The following DPYD variants were observed in gnomAD, a reference collection of about 807,000 sequenced individuals.
The protein encoded by DPYD is dihydropyrimidine dehydrogenase.
Under a neutral mutation model 116.2 loss-of-function variants are expected in DPYD, and 109 were observed. The ratio of observed to expected loss-of-function variants is 0.94; its 90% CI spans 0.80 to 1.10. DPYD has a LOEUF of 1.10. Ranked by LOEUF, DPYD falls within the 50% of genes least tolerant of loss-of-function variation. The pLI, the probability that DPYD is intolerant of heterozygous loss-of-function variation, is 0.00. For missense variants in DPYD, 1,302 were observed against 1,254.5 expected (o/e 1.04, Z -0.57); for synonymous variants, 440 against 432.0 (o/e 1.02, Z -0.23).
At chr1:97,493,436 G>C (rs1485709130) in intron 13 of DPYD, among the ~76,000 whole-genome samples, 2 of 152,138 alleles carry the variant, frequency 1.3e-5, no homozygotes, top group African/African-American at 4.8e-5. Context: ...TGTCTTTAAA[G>C]ATTTAAGAAG....
At chr1:97,271,317 T>C (rs1300816213) in intron 18 of DPYD, among the ~76,000 whole-genome samples, 1 of 152,006 alleles carries the variant, frequency 6.6e-6, no homozygotes. Flanking sequence ...GTGTAGAGAA[T>C]GGACAGAAGG....
At chr1:97,469,419 A>AAAAAAAAAAAAAAAAAAAAAAAAAT (rs1677514938) in intron 13 of DPYD, among the ~76,000 whole-genome samples, 1 of 135,170 alleles carries the variant, frequency 7.4e-6, no homozygotes, top group African/African-American at 2.8e-5. Flanking sequence ...AAAAAAAAAA[A>AAAAAAAAAAAAAAAAAAAAAAAAAT]AAAAAAAAAG....
intron 20 of DPYD, among the ~76,000 whole-genome samples, chr1:97,189,355 G>C (rs977388864): frequency 1.3e-5 from 2 of 152,170 alleles, no homozygotes; most frequent in Non-Finnish European, 2.9e-5. Flanking sequence ...ATGTGGAAAT[G>C]CATGCAGATC....
chr1:97,762,020 G>A (rs1223151404), intron 3 of DPYD, among the ~76,000 whole-genome samples: 1 of 152,158 alleles, frequency 6.6e-6, no homozygotes, highest in East Asian at 1.9e-4. Context: ...TGGACAGTGG[G>A]AGGAGGGTGA....
rs376880484 is a variant in DPYD at position 97,801,487 on chromosome 1, T to G, written c.233+26627A>C. On this transcript the variant is annotated intron_variant, in intron 3 of 22. Coordinates refer to ENST00000370192, the MANE Select transcript of DPYD (RefSeq NM_000110.4). ...ACTGAGAGAGATGCATTAAAGATTT[T>G]TAAAATGTAAGATATATAGTATATT... Among the ~76,000 whole-genome samples, 6 of 152,044 alleles carry G rather than the reference T, an allele frequency of 3.9e-5. No individual in the cohort carries two copies. The South Asian group carries it at 6.2e-4, about 16-fold the overall frequency.
chr1:97,143,092 A>C (rs1215946791), intron 20 of DPYD, among the ~76,000 whole-genome samples: 1 of 152,056 alleles, frequency 6.6e-6, no homozygotes, highest in Non-Finnish European at 1.5e-5. Flanking sequence ...TAAATAACAA[A>C]AACAGGAATT....
intron 3 of DPYD, among the ~76,000 whole-genome samples, chr1:97,822,880 A>G: frequency 6.6e-6 from 1 of 152,220 alleles, no homozygotes; most frequent in Non-Finnish European, 1.5e-5. Flanking sequence ...TTACTTAATC[A>G]TAGTTTGCCA....
chr1:97,573,284 C>A (rs766392786), intron 11 of DPYD, among the ~76,000 whole-genome samples: 1 of 151,978 alleles, frequency 6.6e-6, no homozygotes, highest in African/African-American at 2.4e-5. Context: ...GTGAAAATGA[C>A]AGACATTTAA....
chr1:97,894,798 CTTTAT>C (rs1270968068), intron 1 of DPYD, among the ~76,000 whole-genome samples: 1 of 151,460 alleles, frequency 6.6e-6, no homozygotes, highest in African/African-American at 2.4e-5. Context: ...CTATACTGTA[CTTTAT>C]TTTAAAATTT....
At chr1:97,605,472 TGTGA>T (rs1655529183) in intron 8 of DPYD, among the ~76,000 whole-genome samples, 1 of 152,042 alleles carries the variant, frequency 6.6e-6, no homozygotes, top group Non-Finnish European at 1.5e-5. Flanking sequence ...CCTGCTACCC[TGTGA>T]GTAAGGTGCT....
At chr1:97,690,585 C>A (rs1660962534) in intron 7 of DPYD, among the ~76,000 whole-genome samples, 1 of 151,838 alleles carries the variant, frequency 6.6e-6, no homozygotes, top group Non-Finnish European at 1.5e-5. Flanking sequence ...ATTCAGAATA[C>A]CGAATCTAAT....
In DPYD at chr1:97,375,883, A is replaced by G. The variant is rs181335534; in HGVS notation, c.1975-2239T>C. Among the ~76,000 whole-genome samples the G allele has an allele frequency of 1.1e-4, 16 of 152,356 alleles. No homozygotes were observed. The East Asian group carries it at 3.1e-3, about 29-fold the overall frequency. On this transcript the variant is annotated intron_variant, in intron 15 of 22. Transcript: ENST00000370192. ...ACTGAAATGCAGCAATTAACAGCAA[A>G]TCAATTCAACATCATTTTGGATTAA... is the stretch of plus-strand genomic sequence containing the variant.
Position 97,920,978 on chromosome 1 carries a change from C to T in DPYD, c.-56G>A, listed in dbSNP as rs1674491394. The T allele has an allele frequency of 6.4e-7, 1 of 1,554,258 alleles. No individual in the cohort carries two copies. Among genetic ancestry groups the T allele is most frequent in the Non-Finnish European group, 8.7e-7 (1 of 1,148,160 alleles). Reference sequence around the variant, plus strand: ...GACAAACCCTCCTTGCGTCCTCAAGCTCCAGCCAGAGAGCCAAGTGACAGC... The same window carrying T: ...GACAAACCCTCCTTGCGTCCTCAAGTTCCAGCCAGAGAGCCAAGTGACAGC... On this transcript the variant is annotated 5_prime_UTR_variant, in exon 1 of 23. Transcript: ENST00000370192.
At chr1:97,903,252 A>C (rs1257683430) in intron 1 of DPYD, among the ~76,000 whole-genome samples, 1 of 151,938 alleles carries the variant, frequency 6.6e-6, no homozygotes. Context: ...AATATCACAA[A>C]GAATGAAATA....
At chr1:97,830,040 T>C (rs1669454644) in intron 2 of DPYD, among the ~76,000 whole-genome samples, 1 of 152,106 alleles carries the variant, frequency 6.6e-6, no homozygotes, top group African/African-American at 2.4e-5. Context: ...AGAATGATGG[T>C]TTCCAGCTTT....
chr1:97,895,045 C>G (rs1344361029), intron 1 of DPYD, among the ~76,000 whole-genome samples: 4 of 151,684 alleles, frequency 2.6e-5, no homozygotes, highest in Admixed American at 1.3e-4. Context: ...AAAAAATTCA[C>G]CAGTTCATTG....
intron 20 of DPYD, among the ~76,000 whole-genome samples, chr1:97,191,659 A>G (rs1257887791): frequency 2.6e-5 from 4 of 152,188 alleles, no homozygotes; most frequent in Non-Finnish European, 1.5e-5. Flanking sequence ...ACAAAACATG[A>G]CAGTGCAATG....
intron 4 of DPYD, among the ~76,000 whole-genome samples, chr1:97,735,038 T>C (rs1474525853): frequency 6.6e-6 from 1 of 152,162 alleles, no homozygotes; most frequent in Non-Finnish European, 1.5e-5. Flanking sequence ...ATTTGTATTT[T>C]TGGTCTGATT....
chr1:97,492,670 A>G (rs1679037362), intron 13 of DPYD, among the ~76,000 whole-genome samples: 1 of 152,116 alleles, frequency 6.6e-6, no homozygotes, highest in South Asian at 2.1e-4. Flanking sequence ...GTCTGCAAAT[A>G]TATGTTTCAA....
Sources: gnomAD v4.1 joint callset for allele counts (sites outside exome capture counted in the v4.1 genomes callset) on GRCh38, gnomAD v4.1.1 for gene constraint, MANE v1.5 for transcripts, NCBI Gene and HGNC (gene_info 2026-07-23, HGNC 2026-07-21) for gene names.